Variants in EPHA6 observed in about 807,000 individuals in gnomAD.
The protein encoded by EPHA6 is EPH receptor A6.
EPHA6 carries 50 observed loss-of-function variants against 112.0 expected under a neutral mutation model. The observed-to-expected ratio is 0.45, with a 90% CI of 0.36 to 0.56. The LOEUF (loss-of-function observed/expected upper bound fraction) is 0.56, where lower values mean the gene tolerates loss of function less well. Among genes scored for constraint, EPHA6 ranks in the 20% least tolerant of loss-of-function variants. The pLI is 0.00. For synonymous variants in EPHA6, 529 were observed against 490.7 expected, an observed-to-expected ratio of 1.08 and a Z score of -1.03; for missense variants, 1,280 against 1,417.4, an observed-to-expected ratio of 0.90 and a Z score of 1.56.
At chr3:96,834,968 C>T (rs2034314532) in intron 1 of EPHA6, among the ~76,000 whole-genome samples, 1 of 151,900 alleles carries the variant, frequency 6.6e-6, no homozygotes, top group Non-Finnish European at 1.5e-5. Flanking sequence ...AAATTATTAC[C>T]ATGTTTTAAG....
chr3:97,162,753 C>G (rs2076445199), intron 3 of EPHA6, among the ~76,000 whole-genome samples: 1 of 152,108 alleles, frequency 6.6e-6, no homozygotes, highest in African/African-American at 2.4e-5. Flanking sequence ...TATTTACTGG[C>G]TCAAGTCTGG....
intron 15 of EPHA6, among the ~76,000 whole-genome samples, chr3:97,728,075 A>AC (rs2034859161): frequency 6.6e-6 from 1 of 151,640 alleles, no homozygotes; most frequent in Non-Finnish European, 1.5e-5. Context: ...TTTAGAACTT[A>AC]TGATTTTTAT....
chr3:96,878,421 T>TG (rs1322565883), intron 2 of EPHA6, among the ~76,000 whole-genome samples: 2 of 152,004 alleles, frequency 1.3e-5, no homozygotes, highest in Non-Finnish European at 2.9e-5. Context: ...TTGTAAGTGA[T>TG]GCTAAGGCAT....
intron 6 of EPHA6, among the ~76,000 whole-genome samples, chr3:97,423,905 G>T (rs2088880175): frequency 6.6e-6 from 1 of 152,150 alleles, no homozygotes; most frequent in South Asian, 2.1e-4. Context: ...ATGGGGAAAG[G>T]ACTCTCTATT....
At chr3:97,533,013 A>G (rs569113466) in intron 11 of EPHA6, among the ~76,000 whole-genome samples, 26 of 152,142 alleles carry the variant, frequency 1.7e-4, no homozygotes, top group Non-Finnish European at 2.9e-4. Context: ...TATAATTTAT[A>G]TAAAATGAAA....
At chr3:97,015,788 G>C (rs1318227540) in intron 3 of EPHA6, among the ~76,000 whole-genome samples, 1 of 152,130 alleles carries the variant, frequency 6.6e-6, no homozygotes, top group Non-Finnish European at 1.5e-5. Flanking sequence ...CCCAGACTCT[G>C]AGAGCGTTAT....
chr3:97,106,176 A>G (rs1158888614), intron 3 of EPHA6, among the ~76,000 whole-genome samples: 4 of 152,102 alleles, frequency 2.6e-5, no homozygotes, highest in African/African-American at 4.8e-5. Flanking sequence ...AGAAATATTA[A>G]TTTGTTTAGT....
intron 6 of EPHA6, among the ~76,000 whole-genome samples, chr3:97,430,041 T>G (rs1380172937): frequency 6.6e-6 from 1 of 152,196 alleles, no homozygotes; most frequent in Non-Finnish European, 1.5e-5. Flanking sequence ...ACATGGAAAT[T>G]GGATATAAAA....
intron 3 of EPHA6, among the ~76,000 whole-genome samples, chr3:97,124,470 AAAG>A (rs2048128365): frequency 2.9e-5 from 1 of 34,848 alleles, no homozygotes. Flanking sequence ...CTGTTTAAAA[AAAG>A]AAAGAAAGAA....
At chr3:97,375,331 A>G (rs528042670) in intron 5 of EPHA6, among the ~76,000 whole-genome samples, 1 of 152,312 alleles carries the variant, frequency 6.6e-6, no homozygotes, top group South Asian at 2.1e-4. Context: ...AGAAAATACC[A>G]GGAAGAAGAA....
At chr3:97,013,846 T>A (rs926147070) in intron 3 of EPHA6, among the ~76,000 whole-genome samples, 2 of 152,196 alleles carry the variant, frequency 1.3e-5, no homozygotes, top group Admixed American at 6.5e-5. Flanking sequence ...TTATGAAGCA[T>A]GTTTTTGCAT....
chr3:97,006,394 A>G (rs111800234), intron 3 of EPHA6, among the ~76,000 whole-genome samples: 4,421 of 152,190 alleles, frequency 0.029, 209 homozygotes, highest in African/African-American at 0.098. Flanking sequence ...TTATTTGCAT[A>G]GAGATGTTTA....
At chr3:97,450,323 T>C (rs2090484656) in intron 7 of EPHA6, among the ~76,000 whole-genome samples, 1 of 152,110 alleles carries the variant, frequency 6.6e-6, no homozygotes, top group Non-Finnish European at 1.5e-5. Context: ...TGTCGAATTA[T>C]TGTCTTTTTT....
At chr3:97,627,372 G>A (rs2093866859) in intron 13 of EPHA6, among the ~76,000 whole-genome samples, 1 of 151,736 alleles carries the variant, frequency 6.6e-6, no homozygotes, top group Admixed American at 6.6e-5. Flanking sequence ...TTGAGAGTGG[G>A]TTTCAGGATT....
At chr3:97,407,202 A>G (rs1204176247) in intron 6 of EPHA6, among the ~76,000 whole-genome samples, 1 of 152,068 alleles carries the variant, frequency 6.6e-6, no homozygotes, top group East Asian at 1.9e-4. Flanking sequence ...AGGACCTAGA[A>G]AGATCTAGAT....
intron 3 of EPHA6, among the ~76,000 whole-genome samples, chr3:97,191,685 T>TATTCCACTA (rs1230119802): frequency 6.6e-6 from 1 of 152,164 alleles, no homozygotes; most frequent in African/African-American, 2.4e-5. Context: ...TATTCCACTG[T>TATTCCACTA]GTATATGTAC....
intron 5 of EPHA6, among the ~76,000 whole-genome samples, chr3:97,258,160 A>G (rs947364629): frequency 3.9e-5 from 6 of 152,034 alleles, no homozygotes; most frequent in Non-Finnish European, 8.8e-5. Flanking sequence ...TAATATCCCC[A>G]GGGTCTACCA....
At chr3:96,917,418 C>CAAAAAAAAAAAA (rs5851049) in intron 2 of EPHA6, among the ~76,000 whole-genome samples, 1 of 58,084 alleles carries the variant, frequency 1.7e-5, no homozygotes, top group African/African-American at 6.1e-5. Flanking sequence ...GACTCCATCT[C>CAAAAAAAAAAAA]AAAAAAAAAA....
intron 3 of EPHA6, among the ~76,000 whole-genome samples, chr3:97,036,157 C>T (rs1260333291): frequency 1.3e-5 from 2 of 151,972 alleles, no homozygotes; most frequent in Admixed American, 1.3e-4. Flanking sequence ...GTTTATAAGC[C>T]ACCCAGCCTA....
Sources: allele counts gnomAD v4.1 joint callset (sites outside exome capture counted in the v4.1 genomes callset), GRCh38; gene constraint gnomAD v4.1.1; transcripts MANE v1.5; gene names NCBI Gene and HGNC (gene_info 2026-07-23, HGNC 2026-07-21).